ARHGEF33: variants seen among roughly 807,000 people sequenced by gnomAD.
ARHGEF33 encodes Rho guanine nucleotide exchange factor 33, also known as DH and coiled-coil domain-containing protein ENSP00000381780.
ARHGEF33 carries 72 observed loss-of-function variants against 101.9 expected under a neutral mutation model. The ratio of observed to expected loss-of-function variants is 0.71; its 90% confidence interval spans 0.58 to 0.86. The LOEUF (loss-of-function observed/expected upper bound fraction) is 0.86. ARHGEF33 is among the 40% of genes least tolerant of loss of function. The pLI is 0.00. For synonymous variants in ARHGEF33, 499 were observed against 442.5 expected, an observed-to-expected ratio of 1.13 and a Z score of -1.60; for missense variants, 1,169 against 1,111.3, an observed-to-expected ratio of 1.05 and a Z score of -0.74.
intron 14 of ARHGEF33, 65 bp from the exon 15 acceptor site, chr2:38,957,966 CATA>C (rs2124420298): frequency 6.6e-7 from 1 of 1,505,444 alleles, no homozygotes; most frequent in Non-Finnish European, 9.0e-7. Flanking sequence ...TCTTTTTTGG[CATA>C]ATATGTGTTC....
At chr2:38,947,947 C>T (rs1270775541) in intron 10 of ARHGEF33, among the ~76,000 whole-genome samples, 1 of 152,184 alleles carries the variant, frequency 6.6e-6, no homozygotes, top group East Asian at 1.9e-4. Flanking sequence ...ACATTATTAA[C>T]CTCAAACTAT....
chr2:38,891,281 C>G (rs901282433), intron 1 of ARHGEF33, among the ~76,000 whole-genome samples: 1 of 152,108 alleles, frequency 6.6e-6, no homozygotes. Flanking sequence ...TCCCTTTTCT[C>G]TGTGTATAAG....
At chr2:38,919,565 T>C (rs1666711107) in intron 3 of ARHGEF33, 93 bp downstream of exon 3, 4 of 1,268,654 alleles carry the variant, frequency 3.2e-6, no homozygotes, top group Admixed American at 2.0e-5. Context: ...CATGACAGTA[T>C]GTTAACTATT....
At chr2:38,969,400 C>T in intron 17 of ARHGEF33, 1 of 169,118 alleles carries the variant, frequency 5.9e-6, no homozygotes, top group Middle Eastern at 5.4e-4. Context: ...CTTTTTGTTC[C>T]ATAGGGGCTT....
intron 1 of ARHGEF33, among the ~76,000 whole-genome samples, chr2:38,891,915 A>T (rs1666013987): frequency 1.3e-5 from 2 of 152,198 alleles, no homozygotes; most frequent in Admixed American, 6.5e-5. Context: ...AATGCCCCAA[A>T]TAAGATGAAC....
intron 7 of ARHGEF33, among the ~76,000 whole-genome samples, chr2:38,934,116 A>T (rs576328588): frequency 3.3e-5 from 5 of 152,112 alleles, no homozygotes; most frequent in Non-Finnish European, 7.4e-5. Context: ...CTTACTTTGT[A>T]TTTATTCTAC....
At chr2:38,953,028 T>C (rs1176447753) in intron 11 of ARHGEF33, 134 bp from the exon 12 acceptor site, 1 of 602,994 alleles carries the variant, frequency 1.7e-6, no homozygotes, top group South Asian at 2.1e-5. Flanking sequence ...CCTCAAAATA[T>C]ATAAAATGAA....
chr2:38,951,213 A>G, intron 11 of ARHGEF33, 92 bp downstream of exon 11: 1 of 1,246,226 alleles, frequency 8.0e-7, no homozygotes, highest in Non-Finnish European at 1.1e-6. Context: ...AGAAGCAGTG[A>G]ATTTCACAGC....
intron 2 of ARHGEF33, among the ~76,000 whole-genome samples, chr2:38,913,373 A>G (rs1666557956): frequency 6.6e-6 from 1 of 152,244 alleles, no homozygotes; most frequent in Non-Finnish European, 1.5e-5. Context: ...AGAACTGATA[A>G]TTCCAATGTA....
chr2:38,936,218 G>T (rs1297620142), intron 8 of ARHGEF33, among the ~76,000 whole-genome samples: 2 of 151,792 alleles, frequency 1.3e-5, no homozygotes, highest in African/African-American at 4.8e-5. Context: ...AGGTAATAAA[G>T]GACTAAATAA....
intron 2 of ARHGEF33, among the ~76,000 whole-genome samples, chr2:38,910,217 TA>T (rs1327361431): frequency 2.0e-5 from 3 of 152,240 alleles, no homozygotes; most frequent in African/African-American, 7.2e-5. Flanking sequence ...ATACTGTTTT[TA>T]AAACAAATTT....
chr2:38,898,497 C>G (rs1452442937), intron 2 of ARHGEF33, among the ~76,000 whole-genome samples: 2 of 152,160 alleles, frequency 1.3e-5, no homozygotes, highest in Non-Finnish European at 2.9e-5. Context: ...GACCCTTCCA[C>G]CTACAACTAG....
At chr2:38,926,273 C>G (rs1666866231) in intron 4 of ARHGEF33, among the ~76,000 whole-genome samples, 1 of 152,170 alleles carries the variant, frequency 6.6e-6, no homozygotes. Flanking sequence ...AAGGTAGACA[C>G]CCATTTCTAA....
At chr2:38,921,282 A>G in intron 3 of ARHGEF33, 92 bp from the exon 4 acceptor site, 2 of 797,298 alleles carry the variant, frequency 2.5e-6, no homozygotes, top group South Asian at 1.5e-5. Context: ...CAAATGTAGG[A>G]TCCTGTAAGT....
chr2:38,919,223 T>G, intron 2 of ARHGEF33, 140 bp from the exon 3 acceptor site: 1 of 505,256 alleles, frequency 2.0e-6, no homozygotes, highest in Non-Finnish European at 3.6e-6. Context: ...AAATGTGTAC[T>G]TAATTTAATA....
intron 2 of ARHGEF33, among the ~76,000 whole-genome samples, chr2:38,915,777 A>C (rs1179525421): frequency 6.6e-6 from 1 of 152,182 alleles, no homozygotes; most frequent in African/African-American, 2.4e-5. Context: ...CTGTAATCCC[A>C]ACATTTTGAG....
chr2:38,896,298 C>G (rs936685936), intron 2 of ARHGEF33, among the ~76,000 whole-genome samples: 4 of 152,046 alleles, frequency 2.6e-5, no homozygotes, highest in African/African-American at 9.7e-5. Context: ...GCCACCATGC[C>G]CAGCTAATTT....
At chr2:38,930,341 TTTTC>T (rs1207270518) in intron 6 of ARHGEF33, among the ~76,000 whole-genome samples, 1 of 151,802 alleles carries the variant, frequency 6.6e-6, no homozygotes, top group Non-Finnish European at 1.5e-5. Flanking sequence ...CTTTTTCCTT[TTTTC>T]TTTCTTTTCT....
chr2:38,965,885 C>T, intron 16 of ARHGEF33, 121 bp from the exon 17 acceptor site: 1 of 1,203,770 alleles, frequency 8.3e-7, no homozygotes, highest in Non-Finnish European at 1.2e-6. Context: ...GGATTGGGTG[C>T]CCACTGGTAG....
Sources: gnomAD v4.1 joint callset for allele counts (sites outside exome capture counted in the v4.1 genomes callset) on GRCh38, gnomAD v4.1.1 for gene constraint, MANE v1.5 for transcripts, NCBI Gene and HGNC (gene_info 2026-07-23, HGNC 2026-07-21) for gene names.